SFXN2: variants seen among roughly 807,000 people sequenced by gnomAD.
The protein encoded by SFXN2 is sideroflexin 2.
Under a neutral mutation model 41.9 loss-of-function variants are expected in SFXN2, and 37 were observed. The observed-to-expected ratio is 0.88, with a 90% CI of 0.68 to 1.16. SFXN2 has a LOEUF of 1.16. SFXN2 is among the 50% of genes most tolerant of loss of function. The pLI is 0.00. For missense variants in SFXN2, 386 were observed against 425.2 expected (o/e 0.91, Z 0.81); for synonymous variants, 150 against 156.7 (o/e 0.96, Z 0.32).
Position 102,741,158 on chromosome 10 carries a change from C to A in SFXN2, c.*3396C>A, listed in dbSNP as rs1356229454. The stretch of plus-strand genomic sequence containing the variant: ...GGCCTTGGTGTGGGAAGTGCTAATC[C>A]AGACTGTCCTATCCAATAGCTCAGC... On this transcript the variant is annotated 3_prime_UTR_variant, in exon 12 of 12. Coordinates refer to ENST00000369893, the MANE Select transcript of SFXN2 (RefSeq NM_178858.6). 6.6e-6 allele frequency: 1 copy of A among 152,196 alleles called. No homozygotes were observed. The highest frequency in any genetic ancestry group is 1.5e-5 in the Non-Finnish European group (1 of 68,034). 9.4% of individuals were successfully genotyped at this position (152,196 alleles called of 1,614,324 possible).
At chr10:102,736,022 C>A in intron 11 of SFXN2, 113 bp downstream of exon 11, 2 of 1,054,702 alleles carry the variant, frequency 1.9e-6, no homozygotes, top group Non-Finnish European at 3.0e-6. Flanking sequence ...CAGCACCTGT[C>A]TGAGGACAAG....
chr10:102,727,382 G>A (rs2064618268), intron 3 of SFXN2, among the ~76,000 whole-genome samples: 1 of 152,182 alleles, frequency 6.6e-6, no homozygotes, highest in South Asian at 2.1e-4. Flanking sequence ...TTCTAGAGAA[G>A]CTGAAGAACT....
chr10:102,727,775 A>G (rs531083663), intron 3 of SFXN2: 2 of 153,686 alleles, frequency 1.3e-5, no homozygotes, highest in East Asian at 3.8e-4. Context: ...AGAAGTAAAC[A>G]GTTACAGTAC....
rs983192814 is a variant in SFXN2 at position 102,741,416 on chromosome 10, T to A, written c.*3654T>A. ...TTTCCTGAGTTCGGCTAGAATAGCA[T>A]GGGTAAAAGGTTCCATTGCTCGGGA... is the stretch of plus-strand genomic sequence containing the variant. On this transcript the variant is annotated 3_prime_UTR_variant, in exon 12 of 12. Transcript: ENST00000369893. 1 of 152,130 alleles carries A rather than the reference T, an allele frequency of 6.6e-6. No homozygotes were observed. Among genetic ancestry groups the A allele is most frequent in the East Asian group, 1.9e-4 (1 of 5,198 alleles). 9.4% of individuals were successfully genotyped at this position (152,130 alleles called of 1,614,324 possible). A position where few individuals can be genotyped will look rare whatever the true frequency, so the allele number is the denominator to read the frequency against.
chr10:102,729,368 G>A lies in SFXN2; in HGVS notation c.481G>A (p.Ala161Thr), dbSNP rs1284969778. The A allele has an allele frequency of 6.2e-7, 1 of 1,614,164 alleles. No individual in the cohort carries two copies. Among genetic ancestry groups the A allele is most frequent in the Non-Finnish European group, 8.5e-7 (1 of 1,180,026 alleles). The change falls in exon 5 of 12, where the codon GCT becomes ACT. Residue 161 changes from alanine (A) to threonine (T), a missense_variant. By Grantham distance (58) the Ala-to-Thr change is moderately conservative. Coordinates refer to ENST00000369893, the MANE Select transcript of SFXN2 (RefSeq NM_178858.6). ...FTATTTAVAT[A>T]VGMNMLTKKA... ...AGCCACAACCACTGCTGTGGCCACGGCTGTGGGCATGAACATGTTGACAAA... is the reference window on the plus strand; with the variant it reads ...AGCCACAACCACTGCTGTGGCCACGACTGTGGGCATGAACATGTTGACAAA...
In SFXN2 at chr10:102,726,797, G is replaced by C. The variant is rs771003799; in HGVS notation, c.161G>C (p.Arg54Thr). 1 of 1,614,076 alleles carries C rather than the reference G, an allele frequency of 6.2e-7. No homozygotes were observed. Among genetic ancestry groups the C allele is most frequent in the Non-Finnish European group, 8.5e-7 (1 of 1,180,038 alleles). Residue 54 changes from arginine (R) to threonine (T), a missense_variant and splice_region_variant, in exon 2 of 12, where the codon AGG becomes ACG. Arg to Thr is a moderately conservative substitution (Grantham distance 71, BLOSUM62 -1). Coordinates refer to ENST00000369893, the MANE Select transcript of SFXN2 (RefSeq NM_178858.6). ...GCCAAGGTGATGGTGGAGAAGAGCA[G>C]GTGAGGGGTCGGGGAAGGGGCTGGA... ...DWAKVMVEKS[R>T]MGVVPPGTQV...
At chr10:102,723,190 C>A (rs1244204966) in intron 1 of SFXN2, among the ~76,000 whole-genome samples, 1 of 151,212 alleles carries the variant, frequency 6.6e-6, no homozygotes, top group East Asian at 2.0e-4. Flanking sequence ...AGGTGGTCCA[C>A]CGGCCTTGGC....
chr10:102,727,285 T>C lies in SFXN2; in HGVS notation c.332+128T>C. 6 of 993,024 alleles carry C rather than the reference T, an allele frequency of 6.0e-6. No individual in the cohort carries two copies. The South Asian group carries it at 1.1e-4, about 18-fold the overall frequency. The allele number at this position is 993,024 out of a possible 1,614,324, so 61.5% of individuals were successfully genotyped here. On this transcript the variant is annotated intron_variant, in intron 3 of 11. Transcript: ENST00000369893. Reference sequence around the variant, plus strand: ...CCAGATACCAGGCACTATGCTACATTCTTTGCTCGTATTGCTTCATTTAAC... The same window carrying C: ...CCAGATACCAGGCACTATGCTACATCCTTTGCTCGTATTGCTTCATTTAAC...
rs1279293660 is a variant in SFXN2 at position 102,726,748 on chromosome 10, G to T, written c.112G>T (p.Val38Leu). The change falls in exon 2 of 12, where the codon GTA (valine) becomes TTA (leucine). Residue 38 changes from valine to leucine, a missense_variant. By Grantham distance (32) the Val-to-Leu change is conservative (BLOSUM62 1). Coordinates refer to ENST00000369893, the MANE Select transcript of SFXN2 (RefSeq NM_178858.6). ...CATCACGGACCCCCGCACTGTCTTT[G>T]TATCTGAGCGGGAGCTGGACTGGGC... Reference protein sequence around the residue: ...LNITDPRTVFVSERELDWAKV... With the variant: ...LNITDPRTVFLSERELDWAKV... 1 of 1,614,210 alleles carries T rather than the reference G, an allele frequency of 6.2e-7. No individual in the cohort carries two copies. The highest frequency in any genetic ancestry group is 2.2e-5 in the East Asian group (1 of 44,886).
chr10:102,723,260 T>G (rs1193914981), intron 1 of SFXN2, among the ~76,000 whole-genome samples: 1 of 132,070 alleles, frequency 7.6e-6, no homozygotes, highest in Non-Finnish European at 1.6e-5. Context: ...GAAAGTTTTG[T>G]TTTTTTTTTT....
chr10:102,719,964 AG>A (rs2064482141), intron 1 of SFXN2, among the ~76,000 whole-genome samples: 2 of 152,192 alleles, frequency 1.3e-5, no homozygotes, highest in Non-Finnish European at 2.9e-5. Flanking sequence ...GTGTTTGGAA[AG>A]GACCTGAGAC....
At position 102,731,799 on chromosome 10, in the gene SFXN2, C is replaced by G; in HGVS notation, c.654+16C>G. 6.2e-7 allele frequency: 1 copy of G among 1,612,228 alleles called. No individual in the cohort carries two copies. The highest frequency in any genetic ancestry group is 8.5e-7 in the Non-Finnish European group (1 of 1,178,642). On this transcript the variant is annotated intron_variant, in intron 7 of 11. Coordinates refer to ENST00000369893, the MANE Select transcript of SFXN2 (RefSeq NM_178858.6). ...TCATTCCCGGGTGAGCAGAGGCCTC[C>G]CTTTGGGGTGGGAGGAGGGAATTCC...
rs530329325 is a variant in SFXN2, at chr10:102,734,989, G to A, written c.822-873G>A. Among the ~76,000 whole-genome samples the A allele has an allele frequency of 8.6e-5, 13 of 152,034 alleles. No homozygotes were observed. Among genetic ancestry groups the A allele is most frequent in the Non-Finnish European group, 1.6e-4 (11 of 67,998 alleles). ...GAAGCTGGAGAAACTGCCTTTCACTGTGCTCTGACAGCCCAGGTGTTCAAC... is the reference window on the plus strand; with the variant it reads ...GAAGCTGGAGAAACTGCCTTTCACTATGCTCTGACAGCCCAGGTGTTCAAC... On this transcript the variant is annotated intron_variant, in intron 10 of 11. Coordinates refer to ENST00000369893, the MANE Select transcript of SFXN2 (RefSeq NM_178858.6). This position sits in a 1 kb window ranked among gnomAD's most constrained non-coding sequence, Gnocchi z 4.1.
At chr10:102,729,271 C>T in intron 4 of SFXN2, 48 bp from the exon 5 acceptor site, 2 of 1,594,542 alleles carry the variant, frequency 1.3e-6, no homozygotes, top group South Asian at 1.1e-5. Context: ...GTGGTTTGGC[C>T]CTCAGCCGGC....
intron 1 of SFXN2, chr10:102,716,473 TCTG>T (rs1158060864): frequency 2.0e-5 from 3 of 151,954 alleles, no homozygotes; most frequent in East Asian, 3.9e-4. Context: ...CCAGAGAAAA[TCTG>T]CTCTTTCTGG....
chr10:102,729,470 G>A lies in SFXN2; in HGVS notation c.507+76G>A, dbSNP rs548540853. ...CCTAGGGAAAACGTCCTTCCCCCAG[G>A]GACAGTTCCCCAGGCTGGGTGAGTT... On this transcript the variant is annotated intron_variant, in intron 5 of 11. Transcript: ENST00000369893. The A allele has an allele frequency of 1.3e-5, 20 of 1,533,104 alleles. No individual in the cohort carries two copies. The South Asian group carries it at 2.0e-4, about 15-fold the overall frequency. The allele number at this position is 1,533,104 out of a possible 1,614,324, so 95.0% of individuals were successfully genotyped here.
intron 11 of SFXN2, among the ~76,000 whole-genome samples, chr10:102,736,396 A>G (rs148450839): frequency 0.011 from 1,639 of 148,290 alleles, 24 homozygotes; most frequent in African/African-American, 0.039. Context: ...AGCTGGGATT[A>G]CAGGTGCCTG....
At chr10:102,718,629 G>A (rs753645441) in intron 1 of SFXN2, among the ~76,000 whole-genome samples, 6 of 152,208 alleles carry the variant, frequency 3.9e-5, no homozygotes, top group African/African-American at 7.2e-5. Flanking sequence ...AGGCCAGGGC[G>A]CTGTGGATAC....
In SFXN2 at chr10:102,729,772, C is replaced by T. The variant is rs749269347; in HGVS notation, c.557C>T (p.Ala186Val). ...GRWVPFAAVA[A>V]ANCVNIPMMR... ...TGGGTGCCCTTTGCCGCTGTGGCTG[C>T]GGCTAACTGTGTCAATATCCCCATG... is the stretch of plus-strand genomic sequence containing the variant. Residue 186 changes from alanine (A) to valine (V), a missense_variant, in exon 6 of 12, where the codon GCG becomes GTG. Ala to Val is a moderately conservative substitution (Grantham distance 64). Transcript: ENST00000369893. The T allele has an allele frequency of 3.1e-6, 5 of 1,614,036 alleles. No individual in the cohort carries two copies. Among genetic ancestry groups the T allele is most frequent in the Admixed American group, 1.7e-5 (1 of 60,026 alleles).
Sources: gnomAD v4.1 joint callset for allele counts (sites outside exome capture counted in the v4.1 genomes callset) on GRCh38, gnomAD v4.1.1 for gene constraint, Gnocchi (gnomAD v3.1) non-coding constraint, MANE v1.5 for transcripts, NCBI Gene and HGNC (gene_info 2026-07-23, HGNC 2026-07-21) for gene names.